Variants in PRMT8 observed in about 807,000 individuals in gnomAD.
PRMT8 encodes the protein protein arginine N-methyltransferase 8.
A neutral mutation model predicts 47.1 loss-of-function variants in PRMT8; 7 were observed. The ratio of observed to expected loss-of-function variants is 0.15; its 90% CI spans 0.08 to 0.28. PRMT8 has a LOEUF of 0.28. Ranked by LOEUF, PRMT8 falls within the 10% of genes least tolerant of loss-of-function variation. The pLI, the probability that PRMT8 is intolerant of heterozygous loss-of-function variation, is 1.00. For synonymous variants in PRMT8, 188 were observed against 186.5 expected (o/e 1.01, Z -0.07); for missense variants, 237 against 505.4 (o/e 0.47, Z 5.09).
Position 3,444,319 on chromosome 12 carries a change from T to G in PRMT8, c.48+62877T>G, listed in dbSNP as rs112488381. On this transcript the variant is annotated intron_variant, in intron 1 of 9. Coordinates refer to the PRMT8 transcript ENST00000452611. ...TTCATCTGACTCTGCCGCCTTGCTT[T>G]TAGTACTGTTTTGGCCTGCAGACCT... Among the ~76,000 whole-genome samples, 6 of 152,242 alleles carry G rather than the reference T, an allele frequency of 3.9e-5. 1 individual carries two copies. Among genetic ancestry groups the G allele is most frequent in the African/African-American group, 1.4e-4 (6 of 41,558 alleles).
chr12:3,469,479 A>G (rs538419425), intron 1 of PRMT8, among the ~76,000 whole-genome samples: 6 of 152,330 alleles, frequency 3.9e-5, no homozygotes, highest in African/African-American at 1.2e-4. Flanking sequence ...AAGGGACCAC[A>G]TGGCCCAGGA....
intron 1 of PRMT8, among the ~76,000 whole-genome samples, chr12:3,480,308 C>T (rs1591563087): frequency 1.3e-5 from 2 of 152,102 alleles, no homozygotes; most frequent in East Asian, 3.8e-4. Flanking sequence ...GTGCCTGAGC[C>T]CCAGAGCACA....
intron 8 of PRMT8, among the ~76,000 whole-genome samples, chr12:3,588,701 C>A (rs1388015773): frequency 6.6e-6 from 1 of 152,198 alleles, no homozygotes; most frequent in East Asian, 1.9e-4. Context: ...ACTGGTCATG[C>A]TCACTTCAAA....
intron 1 of PRMT8, among the ~76,000 whole-genome samples, chr12:3,422,610 GGAACA>G (rs538972790): frequency 2.6e-5 from 4 of 152,126 alleles, no homozygotes; most frequent in African/African-American, 7.2e-5. Context: ...TAATCAGGAC[GGAACA>G]GAACAGAACA....
Position 3,442,883 on chromosome 12 carries a change from T to A in PRMT8, c.48+61441T>A, listed in dbSNP as rs1182998771. On this transcript the variant is annotated intron_variant, in intron 1 of 9. Transcript: ENST00000452611. ...TATGTTGGCCAGGCTGGTCTCGAAC[T>A]CCTGACCTGGTGATCCACCCGCCTC... Among the ~76,000 whole-genome samples the A allele has an allele frequency of 2.0e-5, 3 of 152,124 alleles. No homozygotes were observed. In the East Asian group the frequency reaches 5.8e-4, roughly 29 times the overall value.
At chr12:3,419,598 G>A (rs1435484228) in intron 1 of PRMT8, among the ~76,000 whole-genome samples, 1 of 152,018 alleles carries the variant, frequency 6.6e-6, no homozygotes, top group South Asian at 2.1e-4. Context: ...CTTCTGTTTA[G>A]TATTTGATTT....
chr12:3,506,652 A>G (rs1865629474), intron 1 of PRMT8, among the ~76,000 whole-genome samples: 1 of 152,186 alleles, frequency 6.6e-6, no homozygotes, highest in Non-Finnish European at 1.5e-5. Flanking sequence ...TCAAATGAAA[A>G]TGAAGCCTCA....
intron 1 of PRMT8, among the ~76,000 whole-genome samples, chr12:3,412,040 A>G (rs763131672): frequency 8.6e-4 from 131 of 152,264 alleles, no homozygotes; most frequent in Non-Finnish European, 1.3e-3. Flanking sequence ...TATTCTGAGA[A>G]TTGTGTTGTT....
intron 1 of PRMT8, among the ~76,000 whole-genome samples, chr12:3,470,454 C>G (rs946659213): frequency 1.3e-5 from 2 of 152,158 alleles, no homozygotes; most frequent in African/African-American, 4.8e-5. Flanking sequence ...TCTGTTTGAA[C>G]CTGCCAACCT....
intron 1 of PRMT8, among the ~76,000 whole-genome samples, chr12:3,382,061 G>T (rs568878178): frequency 2.0e-5 from 3 of 152,290 alleles, no homozygotes; most frequent in Admixed American, 1.3e-4. Flanking sequence ...GTTATCAATA[G>T]TTCCTTTTGT....
chr12:3,386,770 C>T (rs981582423), intron 1 of PRMT8, among the ~76,000 whole-genome samples: 2 of 151,060 alleles, frequency 1.3e-5, no homozygotes, highest in African/African-American at 4.9e-5. Context: ...AGTGCAATGG[C>T]GCAATCGTGG....
At chr12:3,548,307 A>G (rs1866360538) in intron 2 of PRMT8, among the ~76,000 whole-genome samples, 1 of 152,126 alleles carries the variant, frequency 6.6e-6, no homozygotes, top group African/African-American at 2.4e-5. Context: ...AAAAGCACCT[A>G]TCATAAGTGA....
At chr12:3,488,962 C>G (rs1865347229), upstream of PRMT8, among the ~76,000 whole-genome samples, 1 of 152,142 alleles carries the variant, frequency 6.6e-6, no homozygotes, top group Admixed American at 6.6e-5. Context: ...CCTCTTTGTT[C>G]TAAGACAGCT....
In PRMT8 at chr12:3,564,347, C is replaced by T. The variant is rs1254038169; in HGVS notation, c.482-4359C>T. ...TTCAGATCCTACGGGCATCAGCTGA[C>T]CCTGATGGATGCACTGGAGGCTCAA... On this transcript the variant is annotated intron_variant, in intron 4 of 9. Coordinates refer to ENST00000382622, the MANE Select transcript of PRMT8 (RefSeq NM_019854.5). The surrounding 1 kb of genome is among the most constrained non-coding windows in gnomAD (Gnocchi z 4.0). 6.6e-6 allele frequency among the ~76,000 whole-genome samples: 1 copy of T among 152,148 alleles called. No individual in the cohort carries two copies. Among genetic ancestry groups the T allele is most frequent in the East Asian group, 1.9e-4 (1 of 5,196 alleles).
chr12:3,383,532 C>G (rs1355724141), intron 1 of PRMT8, among the ~76,000 whole-genome samples: 1 of 152,122 alleles, frequency 6.6e-6, no homozygotes, highest in Non-Finnish European at 1.5e-5. Flanking sequence ...AGGGCAGAGC[C>G]CTCATTAATG....
intron 1 of PRMT8, among the ~76,000 whole-genome samples, chr12:3,522,253 C>T (rs1281289768): frequency 6.6e-6 from 1 of 152,132 alleles, no homozygotes; most frequent in Non-Finnish European, 1.5e-5. Flanking sequence ...TGTATACTGG[C>T]CATATCCTCC....
intron 4 of PRMT8, among the ~76,000 whole-genome samples, chr12:3,558,961 C>CCTATCTATCTATCTAT (rs61644721): frequency 0.034 from 5,051 of 150,058 alleles, 90 homozygotes; most frequent in East Asian, 0.041. Flanking sequence ...TATCTATCTA[C>CCTATCTATCTATCTAT]CTATCTATCT....
Position 3,569,015 on chromosome 12 carries a change from G to T in PRMT8, c.624+167G>T, listed in dbSNP as rs1233458568. Among the ~76,000 whole-genome samples the T allele has an allele frequency of 2.6e-5, 4 of 152,124 alleles. No homozygotes were observed. The highest frequency in any genetic ancestry group is 5.9e-5 in the Non-Finnish European group (4 of 67,944). ...GCAGATCTGTATCAGGGAACAGAAT[G>T]GTTGCCCCGGGTCCAGCATGTGTAA... On this transcript the variant is annotated intron_variant, in intron 5 of 9. Coordinates refer to ENST00000382622, the MANE Select transcript of PRMT8 (RefSeq NM_019854.5). The surrounding 1 kb of genome is among the most constrained non-coding windows in gnomAD (Gnocchi z 8.2).
At chr12:3,567,053 T>C (rs1866732388) in intron 4 of PRMT8, among the ~76,000 whole-genome samples, 1 of 152,252 alleles carries the variant, frequency 6.6e-6, no homozygotes, top group Non-Finnish European at 1.5e-5. Flanking sequence ...ACTGAAGTTC[T>C]TGAAGGTGAC....
Sources: allele counts gnomAD v4.1 joint callset (sites outside exome capture counted in the v4.1 genomes callset), GRCh38; gene constraint gnomAD v4.1.1; non-coding constraint Gnocchi (gnomAD v3.1); transcripts MANE v1.5; gene names NCBI Gene and HGNC (gene_info 2026-07-23, HGNC 2026-07-21).